The following DENND4C variants were observed in gnomAD, a reference collection of about 807,000 sequenced individuals.
The protein encoded by DENND4C is DENN domain containing 4C, also known as DENN domain-containing protein 4C.
A neutral mutation model predicts 203.0 loss-of-function variants in DENND4C; 108 were observed. That is an observed-to-expected ratio of 0.53 (90% CI 0.46 to 0.62). DENND4C has a LOEUF of 0.62. Among genes scored for constraint, DENND4C ranks in the 20% least tolerant of loss-of-function variants. The pLI is 0.00. For missense variants in DENND4C, 2,481 were observed against 2,301.2 expected, an observed-to-expected ratio of 1.08 and a Z score of -1.60; for synonymous variants, 871 against 792.4, an observed-to-expected ratio of 1.10 and a Z score of -1.67.
Position 19,328,010 on chromosome 9 carries a change from TA to T in DENND4C, c.2121-19del. ...TTGGTGTGTTTTAAATCAGCAGTTC[TA>T]TTTTTTTTTTTATTTTAGTTACAAA... On this transcript the variant is annotated intron_variant, in intron 15 of 32. Coordinates refer to ENST00000434457, the MANE Select transcript of DENND4C (RefSeq NM_001330640.2). 4 of 1,575,496 alleles carry T rather than the reference TA, an allele frequency of 2.5e-6. No individual in the cohort carries two copies. Among genetic ancestry groups the T allele is most frequent in the Non-Finnish European group, 3.4e-6 (4 of 1,165,732 alleles).
intron 12 of DENND4C, among the ~76,000 whole-genome samples, chr9:19,320,671 C>T (rs1222996728): frequency 2.0e-5 from 3 of 152,198 alleles, no homozygotes; most frequent in South Asian, 2.1e-4. Flanking sequence ...TGCCAAAATA[C>T]GTGGTGCTCA....
chr9:19,326,720 G>A (rs1284024595), intron 15 of DENND4C, among the ~76,000 whole-genome samples: 1 of 151,984 alleles, frequency 6.6e-6, no homozygotes. Flanking sequence ...CAATACTTGT[G>A]TCTCTTAACA....
chr9:19,290,145 C>T (rs10122709), intron 4 of DENND4C, among the ~76,000 whole-genome samples: 126,644 of 152,168 alleles, frequency 0.83, 52,932 homozygotes, highest in East Asian at 0.99. Context: ...TGTGGGTCTT[C>T]ATTGTGGTTC....
chr9:19,238,083 C>CTTT (rs539266824), intron 1 of DENND4C, among the ~76,000 whole-genome samples: 1 of 138,402 alleles, frequency 7.2e-6, no homozygotes. Context: ...TTCTTTCTTT[C>CTTT]TTTTTTTTTT....
intron 12 of DENND4C, among the ~76,000 whole-genome samples, chr9:19,319,444 A>ATATATATATATACACACATATATG (rs1842509121): frequency 6.9e-6 from 1 of 145,782 alleles, no homozygotes; most frequent in African/African-American, 2.5e-5. Context: ...ACACATATAT[A>ATATATATATATACACACATATATG]TATACATATA....
chr9:19,264,943 G>C (rs542585437), intron 1 of DENND4C, among the ~76,000 whole-genome samples: 17 of 151,996 alleles, frequency 1.1e-4, no homozygotes, highest in South Asian at 8.3e-4. Context: ...TTTCTTCATA[G>C]TACTGTTTTT....
At chr9:19,303,765 T>G (rs1839073045) in intron 9 of DENND4C, among the ~76,000 whole-genome samples, 2 of 152,306 alleles carry the variant, frequency 1.3e-5, no homozygotes, top group Non-Finnish European at 2.9e-5. Flanking sequence ...GGGTGATAAT[T>G]GAACTAGACC....
At chr9:19,336,653 G>C (rs202230813) in intron 19 of DENND4C, 33 bp from the exon 20 acceptor site, 84 of 1,538,756 alleles carry the variant, frequency 5.5e-5, no homozygotes, top group Non-Finnish European at 7.1e-5. Flanking sequence ...ATCAATGCAT[G>C]AGTTATTGAA....
intron 18 of DENND4C, 88 bp downstream of exon 18, chr9:19,335,193 A>G: frequency 2.1e-6 from 2 of 951,472 alleles, no homozygotes. Context: ...ACTCCTATTA[A>G]AGGAAGTTTT....
chr9:19,299,137 C>G (rs1838042098), intron 7 of DENND4C, 92 bp from the exon 8 acceptor site: 3 of 882,058 alleles, frequency 3.4e-6, no homozygotes, highest in Non-Finnish European at 5.0e-6. Context: ...TACCTTTGAT[C>G]TAAATATATA....
chr9:19,259,402 C>A (rs573117054), intron 1 of DENND4C, among the ~76,000 whole-genome samples: 1 of 152,168 alleles, frequency 6.6e-6, no homozygotes, highest in Non-Finnish European at 1.5e-5. Flanking sequence ...AATATAATGA[C>A]CTCCAGTTCT....
At chr9:19,330,267 A>G (rs1307878785) in intron 16 of DENND4C, among the ~76,000 whole-genome samples, 2 of 148,970 alleles carry the variant, frequency 1.3e-5, no homozygotes, top group South Asian at 2.1e-4. Flanking sequence ...AAGGGCATGT[A>G]TTTTTAAATA....
intron 1 of DENND4C, among the ~76,000 whole-genome samples, chr9:19,246,849 G>A: frequency 6.6e-6 from 1 of 151,696 alleles, no homozygotes. Context: ...ACTTCAATAG[G>A]GATGGCAAAA....
intron 1 of DENND4C, among the ~76,000 whole-genome samples, chr9:19,235,513 TGTGGGGCTTAAATG>T: frequency 1.3e-5 from 2 of 151,690 alleles, no homozygotes; most frequent in Non-Finnish European, 3.0e-5. Flanking sequence ...TAAGTAATAT[TGTGGGGCTTAAATG>T]TTTTGAAGTG....
In DENND4C at chr9:19,300,248, C is replaced by G. The variant is rs757639749; in HGVS notation, c.1228C>G (p.Leu410Val). ...TCCTGAGAATTGTGCAACACTGCTG[C>G]TCTTTGTTTTACTTGAGAGTAAAAT... The part of the protein sequence containing the change: ...LGPENCATLL[L>V]FVLLESKILL... Residue 410 changes from leucine (L) to valine (V), a missense_variant, in exon 9 of 33, where the codon CTC becomes GTC. Leu to Val is a conservative substitution (Grantham distance 32, BLOSUM62 1). Around this residue, in one of 3 missense-constraint regions of DENND4C, gnomAD observed 2,289 missense variants for 2,113.3 expected, o/e 1.08. Coordinates refer to ENST00000434457, the MANE Select transcript of DENND4C (RefSeq NM_001330640.2). The G allele has an allele frequency of 3.7e-6, 6 of 1,612,802 alleles. No homozygotes were observed. In the South Asian group the frequency reaches 6.6e-5, roughly 18 times the overall value.
At chr9:19,363,891 G>A (rs1267248710) in intron 30 of DENND4C, among the ~76,000 whole-genome samples, 1 of 152,076 alleles carries the variant, frequency 6.6e-6, no homozygotes, top group East Asian at 1.9e-4. Flanking sequence ...ATGCACGCCT[G>A]TAATCCCAGC....
intron 1 of DENND4C, among the ~76,000 whole-genome samples, chr9:19,270,492 C>T (rs80099250): frequency 0.011 from 1,721 of 152,226 alleles, 15 homozygotes; most frequent in Middle Eastern, 0.02. Context: ...CAAGACAAAG[C>T]AGGGTTTTTC....
At chr9:19,299,864 A>G (rs962534842) in intron 8 of DENND4C, among the ~76,000 whole-genome samples, 2 of 152,188 alleles carry the variant, frequency 1.3e-5, no homozygotes, top group Non-Finnish European at 2.9e-5. Context: ...TTTCTTGGCT[A>G]TGACAACAGC....
At position 19,342,751 on chromosome 9, in the gene DENND4C, T is replaced by G; in HGVS notation, c.3123T>G (p.Phe1041Leu). The G allele has an allele frequency of 6.2e-7, 1 of 1,608,668 alleles. No individual in the cohort carries two copies. Among genetic ancestry groups the G allele is most frequent in the South Asian group, 1.1e-5 (1 of 89,662 alleles). Reference protein sequence around the residue: ...SSIVKVPSGIFDVNSRKSSTG... With the variant: ...SSIVKVPSGILDVNSRKSSTG... ...TTGTGAAAGTTCCGTCTGGTATATT[T>G]GATGTCAACAGCAGGAAAAGTAGCA... Residue 1041 changes from phenylalanine (F) to leucine (L), a missense_variant, in exon 22 of 33, where the codon TTT becomes TTG. Coordinates refer to ENST00000434457, the MANE Select transcript of DENND4C (RefSeq NM_001330640.2).
Sources: gnomAD v4.1 joint callset for allele counts (sites outside exome capture counted in the v4.1 genomes callset) on GRCh38, gnomAD v4.1.1 for gene constraint, gnomAD v4.1.1 regional missense constraint, MANE v1.5 for transcripts, NCBI Gene and HGNC (gene_info 2026-07-23, HGNC 2026-07-21) for gene names.